Variants in CRHR1 observed in about 807,000 individuals in gnomAD.
CRHR1 encodes the protein corticotropin releasing hormone receptor 1.
A neutral mutation model predicts 56.0 loss-of-function variants in CRHR1; 28 were observed. The observed-to-expected ratio is 0.50, with a 90% CI of 0.37 to 0.69. The LOEUF (loss-of-function observed/expected upper bound fraction) is 0.69. CRHR1 is among the 30% of genes least tolerant of loss of function. The probability of loss-of-function intolerance (pLI) is 0.00; values close to 1 mark genes in which losing one functional copy is unlikely to be tolerated. For missense variants in CRHR1, 376 were observed against 548.0 expected (o/e 0.69, Z 3.13); for synonymous variants, 195 against 216.5 (o/e 0.90, Z 0.87).
chr17:45,825,351 TG>T (rs1375735432), intron 4 of CRHR1: 2 of 154,242 alleles, frequency 1.3e-5, no homozygotes, highest in Admixed American at 1.3e-4. Context: ...ACCTGCTGCC[TG>T]TATCAGCACC....
At chr17:45,821,482 C>A (rs2062041025) in intron 4 of CRHR1, 42 bp downstream of exon 4, 1 of 1,562,940 alleles carries the variant, frequency 6.4e-7, no homozygotes, top group South Asian at 1.1e-5. Flanking sequence ...GGAGGGGAGT[C>A]CAGGGTCCCC....
At chr17:45,833,416 T>C (rs761112459) in intron 9 of CRHR1, 36 bp from the exon 10 acceptor site, 1 of 1,608,074 alleles carries the variant, frequency 6.2e-7, no homozygotes, top group Admixed American at 1.7e-5. Context: ...CCAAGCCTCT[T>C]GCACACTCCG....
At chr17:45,808,916 C>T (rs1478224988) in intron 2 of CRHR1, among the ~76,000 whole-genome samples, 1 of 152,242 alleles carries the variant, frequency 6.6e-6, no homozygotes, top group Non-Finnish European at 1.5e-5. Flanking sequence ...TCAGGTGATC[C>T]TCCTGTCTCA....
chr17:45,785,073 G>A (rs2061309754), intron 1 of CRHR1, among the ~76,000 whole-genome samples: 2 of 152,138 alleles, frequency 1.3e-5, no homozygotes, highest in Admixed American at 1.3e-4. Context: ...AGTCCGGAGA[G>A]ATGAATGCCG....
At position 45,808,889 on chromosome 17, in the gene CRHR1, G is replaced by A. The variant is rs147419872; in HGVS notation, c.121+1792G>A. Among the ~76,000 whole-genome samples the A allele has an allele frequency of 2.6e-3, 400 of 152,326 alleles. 2 individuals are homozygous for A. The highest frequency in any genetic ancestry group is 4.4e-3 in the Admixed American group (67 of 15,302). On this transcript the variant is annotated intron_variant, in intron 2 of 12. Coordinates refer to ENST00000314537, the MANE Select transcript of CRHR1 (RefSeq NM_004382.5). ...TGCAGTGGCACAATCATAGCTCACT[G>A]CAGCCCAGATCTGGGCTCAGGTGAT...
rs562280696 is a variant in CRHR1 at position 45,811,080 on chromosome 17, C to T, written c.121+3983C>T. On this transcript the variant is annotated intron_variant, in intron 2 of 12. Transcript: ENST00000314537. The stretch of plus-strand genomic sequence containing the variant: ...CTGCCAAGTGCCCACCTCCAGAAGC[C>T]GCTGATGGGAGACCCGACGTAACTG... 5.3e-5 allele frequency among the ~76,000 whole-genome samples: 8 copies of T among 152,352 alleles called. No individual in the cohort carries two copies. In the East Asian group the frequency reaches 9.7e-4, roughly 18 times the overall value.
intron 1 of CRHR1, among the ~76,000 whole-genome samples, chr17:45,804,660 G>A (rs552615262): frequency 7.9e-5 from 12 of 152,056 alleles, no homozygotes; most frequent in Non-Finnish European, 1.8e-4. Context: ...GGTGAGTGGA[G>A]AGGAGTCCAG....
intron 12 of CRHR1, 126 bp downstream of exon 12, chr17:45,834,174 G>GAACA: frequency 8.2e-7 from 1 of 1,212,154 alleles, no homozygotes; most frequent in Non-Finnish European, 1.2e-6. Context: ...AGGTCCCTAG[G>GAACA]GGTATGCTGC....
At chr17:45,799,447 G>T (rs973017114) in intron 1 of CRHR1, 1 of 152,148 alleles carries the variant, frequency 6.6e-6, no homozygotes, top group Non-Finnish European at 1.5e-5. Context: ...CTTCATTTAT[G>T]ACCTCATTTC....
rs1439402844 is a variant in CRHR1 at position 45,819,046 on chromosome 17, C to T, written c.242-2309C>T. Among the ~76,000 whole-genome samples the T allele has an allele frequency of 2.0e-5, 3 of 152,236 alleles. No individual in the cohort carries two copies. In the East Asian group the frequency reaches 5.8e-4, roughly 29 times the overall value. On this transcript the variant is annotated intron_variant, in intron 3 of 12. Coordinates refer to ENST00000314537, the MANE Select transcript of CRHR1 (RefSeq NM_004382.5). ...TCTGATGGGACTCCTGACTCTCCCC[C>T]ACATGTCAAGGGGGGCAAGGGTGTT...
intron 1 of CRHR1, among the ~76,000 whole-genome samples, chr17:45,786,661 A>G (rs2061342225): frequency 7.5e-6 from 1 of 132,522 alleles, no homozygotes; most frequent in Non-Finnish European, 1.6e-5. Flanking sequence ...TTTTTTCAAG[A>G]CAGGGTCCCA....
At chr17:45,804,818 A>AT (rs59708339) in intron 1 of CRHR1, among the ~76,000 whole-genome samples, 66 of 144,962 alleles carry the variant, frequency 4.6e-4, no homozygotes, top group Admixed American at 1.4e-3. Flanking sequence ...GCAATAGATA[A>AT]TTTTTTTTTT....
chr17:45,829,695 G>A, intron 5 of CRHR1: 3 of 1,513,624 alleles, frequency 2.0e-6, no homozygotes, highest in African/African-American at 1.4e-5. Flanking sequence ...GGCAGAGCCG[G>A]GGATGGGGAT....
chr17:45,801,168 C>G (rs902267092), intron 1 of CRHR1, among the ~76,000 whole-genome samples: 1 of 152,196 alleles, frequency 6.6e-6, no homozygotes, highest in East Asian at 1.9e-4. Context: ...ATGTCAGAAC[C>G]TGGCCCTCCA....
Position 45,834,033 on chromosome 17 carries a change from T to C in CRHR1, c.1092T>C (p.Cys364=). 1.2e-6 allele frequency: 2 copies of C among 1,613,458 alleles called. No individual in the cohort carries two copies. Among genetic ancestry groups the C allele is most frequent in the Non-Finnish European group, 1.7e-6 (2 of 1,179,458 alleles). ...FQGFFVSVFY[C]FLNSEVRSAI... ...GCTTCTTTGTGTCTGTGTTCTACTG[T>C]TTCCTCAATAGTGAGGTGAGGACCC... is the stretch of plus-strand genomic sequence containing the variant. The change falls in exon 12 of 13, where the codon TGT becomes TGC. Residue 364 remains cysteine, a synonymous_variant. Coordinates refer to ENST00000314537, the MANE Select transcript of CRHR1 (RefSeq NM_004382.5).
rs543226363 is a variant in CRHR1, at chr17:45,828,629, C to T, written c.328-586C>T. On this transcript the variant is annotated intron_variant, in intron 4 of 12. Transcript: ENST00000314537. ...CTTGGGCCAGGGATGGGGAAGGCCC[C>T]GGAAAGTGAGTTATGGAGCCTAAGG... Among the ~76,000 whole-genome samples the T allele has an allele frequency of 2.6e-4, 40 of 152,322 alleles. 1 individual carries two copies. The South Asian group carries it at 7.5e-3, about 28-fold the overall frequency.
At chr17:45,833,693 T>TGGGGGGCCG in intron 10 of CRHR1, 21 bp from the exon 11 acceptor site, 2 of 1,571,618 alleles carry the variant, frequency 1.3e-6, no homozygotes, top group Non-Finnish European at 1.7e-6. Flanking sequence ...ACTCCGAGCC[T>TGGGGGGCCG]CCCCACCCGC....
intron 4 of CRHR1, among the ~76,000 whole-genome samples, chr17:45,825,278 C>T (rs1016637245): frequency 1.3e-5 from 2 of 152,210 alleles, no homozygotes; most frequent in African/African-American, 4.8e-5. Flanking sequence ...AGGGGACAGG[C>T]CCCCAACTGT....
At chr17:45,834,317 A>G (rs2062387991) in intron 12 of CRHR1, among the ~76,000 whole-genome samples, 1 of 152,224 alleles carries the variant, frequency 6.6e-6, no homozygotes, top group South Asian at 2.1e-4. Flanking sequence ...GAAAACCAGG[A>G]AGGGCTGAGC....
Sources: allele counts gnomAD v4.1 joint callset (sites outside exome capture counted in the v4.1 genomes callset), GRCh38; gene constraint gnomAD v4.1.1; transcripts MANE v1.5; gene names NCBI Gene and HGNC (gene_info 2026-07-23, HGNC 2026-07-21).